USH2A: variants seen among roughly 807,000 people sequenced by gnomAD.
USH2A encodes the protein usherin.
A neutral mutation model predicts 538.9 loss-of-function variants in USH2A; 443 were observed. The observed-to-expected ratio is 0.82, with a 90% CI of 0.76 to 0.89. USH2A has a LOEUF of 0.89. USH2A is among the 40% of genes least tolerant of loss of function. The probability of loss-of-function intolerance (pLI) is 0.00; values close to 1 mark genes in which losing one functional copy is unlikely to be tolerated. For missense variants in USH2A, 6,633 were observed against 6,324.8 expected, an observed-to-expected ratio of 1.05 and a Z score of -1.65; for synonymous variants, 2,413 against 2,273.5, an observed-to-expected ratio of 1.06 and a Z score of -1.75.
intron 32 of USH2A, among the ~76,000 whole-genome samples, chr1:216,017,962 T>G (rs1404894514): frequency 6.6e-6 from 1 of 152,144 alleles, no homozygotes; most frequent in Non-Finnish European, 1.5e-5. Flanking sequence ...ACATACACAT[T>G]TCTTTTTTGG....
intron 20 of USH2A, among the ~76,000 whole-genome samples, chr1:216,189,491 C>T (rs1314902702): frequency 6.6e-6 from 1 of 151,824 alleles, no homozygotes; most frequent in African/African-American, 2.4e-5. Flanking sequence ...TATATTAATG[C>T]TAAATAATTG....
chr1:215,789,468 A>G (rs1031368559), intron 51 of USH2A, among the ~76,000 whole-genome samples: 1 of 152,204 alleles, frequency 6.6e-6, no homozygotes, highest in Non-Finnish European at 1.5e-5. Flanking sequence ...GGCTTCTGGT[A>G]TCCTGGGTCA....
At chr1:216,379,628 G>T (rs985703029) in intron 3 of USH2A, among the ~76,000 whole-genome samples, 8 of 152,180 alleles carry the variant, frequency 5.3e-5, no homozygotes, top group African/African-American at 1.7e-4. Flanking sequence ...CTGGATGACA[G>T]CAAGTTGTCA....
chr1:216,062,924 A>AT (rs2102539414), intron 30 of USH2A, among the ~76,000 whole-genome samples: 1 of 152,304 alleles, frequency 6.6e-6, no homozygotes, highest in African/African-American at 2.4e-5. Context: ...AAAACAGCAC[A>AT]TTTTCTGATT....
chr1:215,670,790 T>C (rs1657789278), intron 64 of USH2A, among the ~76,000 whole-genome samples, 182 bp downstream of exon 64: 1 of 151,980 alleles, frequency 6.6e-6, no homozygotes, highest in African/African-American at 2.4e-5. Flanking sequence ...ACCAAGAAAA[T>C]GAAAAAGGCA....
chr1:216,181,402 G>A (rs1316323674), intron 20 of USH2A, among the ~76,000 whole-genome samples: 2 of 152,030 alleles, frequency 1.3e-5, no homozygotes, highest in Admixed American at 6.6e-5. Context: ...AGCCCCTCTG[G>A]TTTATCCCCT....
chr1:215,627,509 C>G (rs887677551), intron 71 of USH2A, among the ~76,000 whole-genome samples: 1 of 133,366 alleles, frequency 7.5e-6, no homozygotes, highest in Non-Finnish European at 1.6e-5. Flanking sequence ...TCCTTCTTTC[C>G]TTCCTTCCTT....
At chr1:215,846,836 A>G (rs571403145) in intron 44 of USH2A, among the ~76,000 whole-genome samples, 4 of 152,300 alleles carry the variant, frequency 2.6e-5, no homozygotes, top group Admixed American at 2.6e-4. Context: ...TGCTAACAAC[A>G]TTCGCTAACT....
In USH2A at chr1:216,293,376, A is replaced by G. The variant is rs528816903; in HGVS notation, c.1645-1006T>C. ...TCACGCTCCTTTCTAAGTTTGAATC[A>G]GCTTCCAACATTTTAACTTTTATGC... On this transcript the variant is annotated intron_variant, in intron 9 of 71. Transcript: ENST00000307340. 2.0e-5 allele frequency among the ~76,000 whole-genome samples: 3 copies of G among 152,298 alleles called. No homozygotes were observed. In the East Asian group the frequency reaches 5.8e-4, roughly 29 times the overall value.
chr1:215,755,908 A>T (rs939849359), intron 58 of USH2A, among the ~76,000 whole-genome samples: 26 of 152,336 alleles, frequency 1.7e-4, no homozygotes, highest in African/African-American at 6.0e-4. Context: ...AAAGAAAAAA[A>T]TGACACGCTG....
In USH2A at chr1:215,674,319, G is replaced by A; in HGVS notation, c.13592C>T (p.Ala4531Val). ...PLVKDRTSPSAPSGMEPPKLQ... is the reference protein window; with the variant it reads ...PLVKDRTSPSVPSGMEPPKLQ... The stretch of plus-strand genomic sequence containing the variant: ...TTTTGGAGGTTCCATCCCTGAGGGT[G>A]CTGAGGGGCTGGTTCGATCTTTGAC... The change falls in exon 63 of 72, where the codon GCA (alanine) becomes GTA (valine). Residue 4531 changes from alanine (A) to valine (V), a missense_variant. By Grantham distance (64) the Ala-to-Val change is moderately conservative. Coordinates refer to ENST00000307340, the MANE Select transcript of USH2A (RefSeq NM_206933.4). 1 of 1,613,968 alleles carries A rather than the reference G, an allele frequency of 6.2e-7. No individual in the cohort carries two copies. Among genetic ancestry groups the A allele is most frequent in the Non-Finnish European group, 8.5e-7 (1 of 1,179,950 alleles).
rs555643510 is a variant in USH2A, at chr1:215,772,590, T to C, written c.10940-5802A>G. 9.8e-5 allele frequency among the ~76,000 whole-genome samples: 15 copies of C among 152,304 alleles called. No homozygotes were observed. The South Asian group carries it at 3.1e-3, about 32-fold the overall frequency. ...GGACTGCAAAAAGTCTGCCTTTAGT[T>C]CATAAAAATATGATTTGGAAAACAA... On this transcript the variant is annotated intron_variant, in intron 55 of 71. Transcript: ENST00000307340.
chr1:216,376,902 G>A (rs1352373131), intron 3 of USH2A, among the ~76,000 whole-genome samples: 1 of 152,156 alleles, frequency 6.6e-6, no homozygotes. Flanking sequence ...CACTTACACT[G>A]TGCATGAGTT....
chr1:216,306,406 G>T (rs995077913), intron 9 of USH2A, among the ~76,000 whole-genome samples: 2 of 151,924 alleles, frequency 1.3e-5, no homozygotes, highest in Admixed American at 1.3e-4. Context: ...AGATTTTTCT[G>T]TTCATATCCT....
At chr1:216,202,400 G>A (rs2035019919) in intron 16 of USH2A, among the ~76,000 whole-genome samples, 1 of 152,156 alleles carries the variant, frequency 6.6e-6, no homozygotes, top group South Asian at 2.1e-4. Context: ...TATCATATAA[G>A]GCAATTTATA....
chr1:216,407,230 TC>T (rs1236813951), intron 3 of USH2A, among the ~76,000 whole-genome samples: 1 of 152,166 alleles, frequency 6.6e-6, no homozygotes, highest in Admixed American at 6.6e-5. Context: ...TTGACTTTTT[TC>T]AGAAGTATGT....
intron 22 of USH2A, among the ~76,000 whole-genome samples, chr1:216,094,652 A>G (rs74143937): frequency 4.9e-3 from 746 of 152,054 alleles, no homozygotes; most frequent in African/African-American, 0.017. Context: ...TTTTGGCTAG[A>G]TTACTTACTG....
intron 62 of USH2A, among the ~76,000 whole-genome samples, chr1:215,677,387 T>C (rs1035869052): frequency 6.6e-6 from 1 of 152,178 alleles, no homozygotes; most frequent in Non-Finnish European, 1.5e-5. Flanking sequence ...TGATTTTAAA[T>C]AAAACTTCCC....
intron 32 of USH2A, among the ~76,000 whole-genome samples, chr1:216,023,459 C>CAAAAAAAAAAAAAAAAAAA: frequency 8.7e-4 from 41 of 46,934 alleles, no homozygotes; most frequent in East Asian, 1.6e-3. Context: ...TCAAAGCAGA[C>CAAAAAAAAAAAAAAAAAAA]AAAAAAAAAA....
Sources: gnomAD v4.1 joint callset for allele counts (sites outside exome capture counted in the v4.1 genomes callset) on GRCh38, gnomAD v4.1.1 for gene constraint, MANE v1.5 for transcripts, NCBI Gene and HGNC (gene_info 2026-07-23, HGNC 2026-07-21) for gene names.